TBC1D2: variants seen among roughly 807,000 people sequenced by gnomAD.
TBC1D2 encodes the protein TBC1 domain family member 2, also known as TBC1 domain family member 2A.
A neutral mutation model predicts 91.1 loss-of-function variants in TBC1D2; 58 were observed. That is an observed-to-expected ratio of 0.64 (90% CI 0.52 to 0.79). The LOEUF is 0.79. Among genes scored for constraint, TBC1D2 ranks in the 30% least tolerant of loss-of-function variants. TBC1D2 has a pLI of 0.00. For synonymous variants in TBC1D2, 482 were observed against 511.5 expected, an observed-to-expected ratio of 0.94 and a Z score of 0.78; for missense variants, 1,080 against 1,208.3, an observed-to-expected ratio of 0.89 and a Z score of 1.57.
rs73488713 is a variant in TBC1D2 at position 98,228,298 on chromosome 9, A to C, written c.978+654T>G. Reference sequence around the variant, plus strand: ...TTTGCCCTGGGACCCTCACTACTTCATAAGGTAGCCCCTGGCTTTTAATAC... The same window carrying C: ...TTTGCCCTGGGACCCTCACTACTTCCTAAGGTAGCCCCTGGCTTTTAATAC... On this transcript the variant is annotated intron_variant, in intron 5 of 12. Transcript: ENST00000465784. The surrounding 1 kb of genome is among the most constrained non-coding windows in gnomAD (Gnocchi z 4.0). Among the ~76,000 whole-genome samples the C allele has an allele frequency of 0.2, 29,841 of 152,252 alleles. 6,819 individuals carry two copies. The highest frequency in any genetic ancestry group is 0.56 in the African/African-American group (23,228 of 41,512).
chr9:98,216,380 C>G (rs7040214), intron 6 of TBC1D2, among the ~76,000 whole-genome samples: 7 of 152,128 alleles, frequency 4.6e-5, no homozygotes, highest in East Asian at 1.9e-4. Context: ...CAAGCCCCCC[C>G]GCAAGGGAGG....
Position 98,203,334 on chromosome 9 carries a change from G to T in TBC1D2, c.2225C>A (p.Thr742Asn). 1 of 1,614,216 alleles carries T rather than the reference G, an allele frequency of 6.2e-7. No homozygotes were observed. ...GCAGTAGTAATCAGCGGGCATGATG[G>T]TCTCCACAATGGCCACCAGGCACCA... ...AFWCLVAIVE[T>N]IMPADYYCNT... The change falls in exon 10 of 13, where the codon ACC becomes AAC. Residue 742 changes from threonine (T) to asparagine (N), a missense_variant. By Grantham distance (65) the Thr-to-Asn change is moderately conservative. Transcript: ENST00000465784.
At position 98,209,043 on chromosome 9, in the gene TBC1D2, A is replaced by C; in HGVS notation, c.1775T>G (p.Leu592Arg). The C allele has an allele frequency of 1.2e-6, 2 of 1,614,184 alleles. No individual in the cohort carries two copies. Among genetic ancestry groups the C allele is most frequent in the Non-Finnish European group, 1.7e-6 (2 of 1,180,020 alleles). Residue 592 changes from leucine to arginine, a missense_variant, in exon 9 of 13, where the codon CTG becomes CGG. Coordinates refer to ENST00000465784, the MANE Select transcript of TBC1D2 (RefSeq NM_001267571.2). Reference sequence around the variant, plus strand: ...CCGATCCACAGCCTCGAGGCCCAGCAGGTGGTGGGATCGTGACTCCAATGC... The same window carrying C: ...CCGATCCACAGCCTCGAGGCCCAGCCGGTGGTGGGATCGTGACTCCAATGC... ...IQALESRSHHLLGLEAVDRPL... is the reference protein window; with the variant it reads ...IQALESRSHHRLGLEAVDRPL...
Position 98,240,503 on chromosome 9 carries a change from T to G in TBC1D2, c.647+3491A>C, listed in dbSNP as rs77773670. ...GGCACTACTATTTACTGAGCATCAC[T>G]TTATGCTGGGTCCTGTGCTGAGCCC... is the stretch of plus-strand genomic sequence containing the variant. On this transcript the variant is annotated intron_variant, in intron 3 of 12. Coordinates refer to ENST00000465784, the MANE Select transcript of TBC1D2 (RefSeq NM_001267571.2). Among the ~76,000 whole-genome samples the G allele has an allele frequency of 1.6e-3, 248 of 152,330 alleles. 1 individual carries two copies. Among genetic ancestry groups the G allele is most frequent in the African/African-American group, 5.6e-3 (233 of 41,570 alleles).
In TBC1D2 at chr9:98,255,089, C is replaced by T. The variant is rs73488777; in HGVS notation, c.369+84G>A. ...CACCGACACTCCAAATTTACTGTGT[C>T]CACCTCACACTCGCGCCCAGCCTTG... On this transcript the variant is annotated intron_variant, in intron 1 of 12. Transcript: ENST00000465784. 0.032 allele frequency: 47,839 copies of T among 1,515,422 alleles called. 1,999 individuals carry two copies. The highest frequency in any genetic ancestry group is 0.21 in the African/African-American group (14,838 of 72,090). 93.9% of individuals were successfully genotyped at this position (1,515,422 alleles called of 1,614,324 possible). A position where few individuals can be genotyped will look rare whatever the true frequency, so the allele number is the denominator to read the frequency against.
Position 98,200,327 on chromosome 9 carries a change from C to T in TBC1D2, c.2505G>A (p.Glu835=). ...ALAIFKYNEK[E]ILRLQNGLEI... is the part of the protein sequence containing the mutation. ...CCAGGCCATTCTGTAGCCTCAAGAT[C>T]TCCTTCTCGTTGTACTTGAAAATGG... Residue 835 remains glutamate, a synonymous_variant, in exon 12 of 13, where the codon GAG becomes GAA. Coordinates refer to ENST00000465784, the MANE Select transcript of TBC1D2 (RefSeq NM_001267571.2). The T allele has an allele frequency of 6.2e-7, 1 of 1,613,434 alleles. No individual in the cohort carries two copies. The highest frequency in any genetic ancestry group is 1.1e-5 in the South Asian group (1 of 91,000).
intron 7 of TBC1D2, 129 bp downstream of exon 7, chr9:98,212,979 G>A (rs931180480): frequency 6.1e-6 from 6 of 990,326 alleles, no homozygotes; most frequent in South Asian, 1.5e-5. Context: ...TATGGGCCCT[G>A]CTCACAAGGG....
At chr9:98,206,600 C>T (rs59673472) in intron 9 of TBC1D2, among the ~76,000 whole-genome samples, 10,929 of 152,198 alleles carry the variant, frequency 0.072, 459 homozygotes, top group East Asian at 0.14. Context: ...TCTGGGAGGC[C>T]TCAGCACAGC....
chr9:98,212,570 C>G (rs895708741), intron 7 of TBC1D2, among the ~76,000 whole-genome samples: 66 of 151,710 alleles, frequency 4.4e-4, no homozygotes, highest in Middle Eastern at 6.8e-3. Flanking sequence ...GGCGCAATCT[C>G]GGCTCACTGC....
chr9:98,220,412 C>T (rs761837903), intron 6 of TBC1D2, among the ~76,000 whole-genome samples: 1 of 152,166 alleles, frequency 6.6e-6, no homozygotes, highest in Non-Finnish European at 1.5e-5. Context: ...GCAGGTCATC[C>T]GTACAGTGTG....
intron 3 of TBC1D2, among the ~76,000 whole-genome samples, chr9:98,239,613 G>A (rs1047719269): frequency 6.6e-6 from 1 of 152,184 alleles, no homozygotes; most frequent in Non-Finnish European, 1.5e-5. Flanking sequence ...CTTCATAAGG[G>A]ATATTGGTCT....
chr9:98,248,160 G>A (rs540355157), intron 2 of TBC1D2, among the ~76,000 whole-genome samples: 62 of 152,366 alleles, frequency 4.1e-4, no homozygotes, highest in Non-Finnish European at 7.9e-4. Context: ...ATTAAACAAT[G>A]TGGCTTATCA....
At chr9:98,201,749 C>T in intron 10 of TBC1D2, 85 bp from the exon 11 acceptor site, 1 of 1,379,234 alleles carries the variant, frequency 7.3e-7, no homozygotes, top group South Asian at 1.4e-5. Context: ...CCCAGTCAGT[C>T]CACACACAAT....
At chr9:98,242,419 C>G (rs1015415022) in intron 3 of TBC1D2, among the ~76,000 whole-genome samples, 2 of 123,662 alleles carry the variant, frequency 1.6e-5, no homozygotes, top group African/African-American at 6.2e-5. Context: ...CCAGCCCGGG[C>G]AACAGTGCAA....
intron 1 of TBC1D2, among the ~76,000 whole-genome samples, chr9:98,253,637 T>A (rs900979999): frequency 1.3e-5 from 2 of 152,178 alleles, no homozygotes; most frequent in Non-Finnish European, 2.9e-5. Context: ...GGTGCTCTCT[T>A]GGCCTGGAAT....
rs1829708521 is a variant in TBC1D2 at position 98,244,002 on chromosome 9, A to T, written c.639T>A (p.Thr213=). The change falls in exon 3 of 13, where the codon ACT becomes ACA. Residue 213 remains threonine (T), a synonymous_variant. Coordinates refer to ENST00000465784, the MANE Select transcript of TBC1D2 (RefSeq NM_001267571.2). The part of the protein sequence containing the change: ...LQNISLKHLG[T]EIQNTMHNIR... ...GCTCCACTGGCACTTACTGTATTTC[A>T]GTCCCCAGGTGCTTGAGGGAAATAT... 6.2e-7 allele frequency: 1 copy of T among 1,605,506 alleles called. No individual in the cohort carries two copies. The highest frequency in any genetic ancestry group is 8.5e-7 in the Non-Finnish European group (1 of 1,176,210).
At chr9:98,209,175 T>G in intron 8 of TBC1D2, 31 bp from the exon 9 acceptor site, 2 of 1,588,690 alleles carry the variant, frequency 1.3e-6, no homozygotes. Context: ...TAGCAACACC[T>G]TGCAGAGCCC....
intron 3 of TBC1D2, 22 bp from the exon 4 acceptor site, chr9:98,233,571 G>T: frequency 6.2e-7 from 1 of 1,613,062 alleles, no homozygotes; most frequent in East Asian, 2.2e-5. Context: ...CAAGAACAGA[G>T]GAGCATGAGG....
chr9:98,222,156 T>A (rs544087587), intron 5 of TBC1D2, among the ~76,000 whole-genome samples: 1 of 152,222 alleles, frequency 6.6e-6, no homozygotes, highest in African/African-American at 2.4e-5. Context: ...TTCCAAAGCC[T>A]GTGCTCAGTA....
Sources: gnomAD v4.1 joint callset for allele counts (sites outside exome capture counted in the v4.1 genomes callset) on GRCh38, gnomAD v4.1.1 for gene constraint, Gnocchi (gnomAD v3.1) non-coding constraint, MANE v1.5 for transcripts, NCBI Gene and HGNC (gene_info 2026-07-23, HGNC 2026-07-21) for gene names.